The following ANK2 variants were observed in gnomAD, a reference collection of about 807,000 sequenced individuals.
The protein encoded by ANK2 is ankyrin 2.
A neutral mutation model predicts 360.5 loss-of-function variants in ANK2; 83 were observed. The observed-to-expected ratio is 0.23, with a 90% CI of 0.19 to 0.28. ANK2 has a LOEUF of 0.28. Among genes scored for constraint, ANK2 ranks in the 10% least tolerant of loss-of-function variants. The pLI is 1.00. For synonymous variants in ANK2, 1,740 were observed against 1,759.5 expected, an observed-to-expected ratio of 0.99 and a Z score of 0.28; for missense variants, 4,201 against 4,795.7, an observed-to-expected ratio of 0.88 and a Z score of 3.66.
intron 1 of ANK2, among the ~76,000 whole-genome samples, chr4:113,172,211 T>C (rs1333265637): frequency 6.6e-6 from 1 of 152,172 alleles, no homozygotes; most frequent in Non-Finnish European, 1.5e-5. Context: ...GTCAAGAATT[T>C]TCTCTCCAGC....
the ANK2 span, among the ~76,000 whole-genome samples, chr4:112,715,385 T>C: frequency 6.6e-6 from 1 of 152,130 alleles, no homozygotes; most frequent in Non-Finnish European, 1.5e-5. Flanking sequence ...GAGGGATGGA[T>C]ATTAACATCA....
At chr4:113,172,669 A>G (rs959437180) in intron 1 of ANK2, among the ~76,000 whole-genome samples, 3 of 152,178 alleles carry the variant, frequency 2.0e-5, no homozygotes, top group Non-Finnish European at 2.9e-5. Flanking sequence ...CTAATATAAT[A>G]TATAGCACAC....
intron 4 of ANK2, among the ~76,000 whole-genome samples, chr4:113,231,756 A>G (rs1376408715): frequency 6.6e-6 from 1 of 152,048 alleles, no homozygotes; most frequent in Non-Finnish European, 1.5e-5. Flanking sequence ...GGCATGCGCC[A>G]CCACGCCCGG....
chr4:112,962,379 TC>T (rs1440351366), intron 2 of ANK2, among the ~76,000 whole-genome samples: 2 of 152,142 alleles, frequency 1.3e-5, no homozygotes, highest in African/African-American at 2.4e-5. Flanking sequence ...ATGATGTTAT[TC>T]TTTTTATATC....
intron 26 of ANK2, among the ~76,000 whole-genome samples, chr4:113,321,899 A>G (rs1563744898): frequency 1.3e-5 from 2 of 152,004 alleles, no homozygotes; most frequent in African/African-American, 2.4e-5. Context: ...TGCCCAGCTA[A>G]TTTTTTGTAT....
chr4:113,277,956 A>G, intron 16 of ANK2, 21 bp downstream of exon 16: 2 of 1,588,228 alleles, frequency 1.3e-6, no homozygotes, highest in Middle Eastern at 1.7e-4. Context: ...TCTATACGTT[A>G]TAATTATGTA....
At chr4:113,090,976 G>A (rs763230166) in intron 1 of ANK2, among the ~76,000 whole-genome samples, 2 of 152,112 alleles carry the variant, frequency 1.3e-5, no homozygotes, top group Non-Finnish European at 2.9e-5. Flanking sequence ...ACAATTTGAG[G>A]GCTACTTCTG....
In ANK2 at chr4:113,383,557, G is replaced by T. The variant is rs1333407099; in HGVS notation, c.*2086G>T. On this transcript the variant is annotated 3_prime_UTR_variant, in exon 46 of 46. Transcript: ENST00000357077. Reference sequence around the variant, plus strand: ...GTTATCAAAAACTTGAATACTGTGAGAAGAAGTGAATTTTCAGTTGACGAA... The same window carrying T: ...GTTATCAAAAACTTGAATACTGTGATAAGAAGTGAATTTTCAGTTGACGAA... The T allele has an allele frequency of 2.0e-5, 3 of 152,520 alleles. No individual in the cohort carries two copies. The highest frequency in any genetic ancestry group is 4.4e-5 in the Non-Finnish European group (3 of 68,000). 9.4% of individuals were successfully genotyped at this position (152,520 alleles called of 1,614,324 possible).
intron 24 of ANK2, among the ~76,000 whole-genome samples, chr4:113,313,905 G>A (rs1386526424): frequency 6.6e-6 from 1 of 152,188 alleles, no homozygotes; most frequent in African/African-American, 2.4e-5. Flanking sequence ...TGAGCTAGAA[G>A]AGGTGAATAT....
At chr4:112,996,280 G>C (rs1307839481) in intron 2 of ANK2, among the ~76,000 whole-genome samples, 1 of 152,078 alleles carries the variant, frequency 6.6e-6, no homozygotes, top group Non-Finnish European at 1.5e-5. Flanking sequence ...GGAGCAGGGA[G>C]GGCCAGTCTA....
intron 2 of ANK2, among the ~76,000 whole-genome samples, chr4:113,019,440 C>G (rs1023146087): frequency 1.3e-5 from 2 of 152,022 alleles, no homozygotes; most frequent in Non-Finnish European, 2.9e-5. Context: ...AGAAATAAAT[C>G]AGGTATAATA....
chr4:113,019,259 G>A (rs2154296562), intron 2 of ANK2, among the ~76,000 whole-genome samples: 1 of 152,298 alleles, frequency 6.6e-6, no homozygotes, highest in South Asian at 2.1e-4. Flanking sequence ...CACATAGGAT[G>A]AAATGGAAAC....
At chr4:112,892,019 A>G (rs138165777) in intron 1 of ANK2, among the ~76,000 whole-genome samples, 1 of 152,220 alleles carries the variant, frequency 6.6e-6, no homozygotes, top group Non-Finnish European at 1.5e-5. Context: ...CAAAAAAGAC[A>G]TAAAAGTATA....
At chr4:112,921,025 T>C (rs2091333755) in intron 2 of ANK2, among the ~76,000 whole-genome samples, 1 of 151,918 alleles carries the variant, frequency 6.6e-6, no homozygotes. Flanking sequence ...TCCAAATGAA[T>C]AATTTTATGT....
At chr4:113,289,044 G>T (rs922493425) in intron 20 of ANK2, among the ~76,000 whole-genome samples, 5 of 152,108 alleles carry the variant, frequency 3.3e-5, no homozygotes, top group Admixed American at 1.3e-4. Flanking sequence ...GCAAAGCAAG[G>T]TTGGAACATA....
chr4:113,255,662 C>T (rs1484713475), intron 10 of ANK2, 73 bp from the exon 11 acceptor site: 23 of 1,509,240 alleles, frequency 1.5e-5, no homozygotes, highest in Admixed American at 3.4e-5. Context: ...CAAGAATCAA[C>T]TTTGCTGTAC....
chr4:112,785,397 G>A, the ANK2 span, among the ~76,000 whole-genome samples: 18 of 149,954 alleles, frequency 1.2e-4, no homozygotes, highest in Middle Eastern at 3.4e-3. Context: ...TTTTTGAGAC[G>A]GAGTCTTGCT....
At chr4:113,199,161 T>G in intron 4 of ANK2, 52 bp downstream of exon 4, 1 of 1,406,134 alleles carries the variant, frequency 7.1e-7, no homozygotes, top group Admixed American at 1.7e-5. Flanking sequence ...TAGAACAGTT[T>G]TGTGAAATTG....
At chr4:113,135,369 C>T (rs1426769867) in intron 1 of ANK2, among the ~76,000 whole-genome samples, 2 of 151,728 alleles carry the variant, frequency 1.3e-5, no homozygotes, top group Non-Finnish European at 2.9e-5. Context: ...AGGCAGGGAT[C>T]TAGTGATGGA....
Sources: allele counts gnomAD v4.1 joint callset (sites outside exome capture counted in the v4.1 genomes callset), GRCh38; gene constraint gnomAD v4.1.1; transcripts MANE v1.5; gene names NCBI Gene and HGNC (gene_info 2026-07-23, HGNC 2026-07-21).